Variants in MTMR8 observed in about 807,000 individuals in gnomAD.
MTMR8 encodes myotubularin related protein 8, also known as phosphatidylinositol-3,5-bisphosphate 3-phosphatase MTMR8.
In MTMR8, 65 loss-of-function variants were observed where a neutral mutation model predicts 39.3. The observed-to-expected ratio is 1.65, with a 90% CI of 1.35 to 2.03. The LOEUF (loss-of-function observed/expected upper bound fraction) is 2.03, where lower values mean the gene tolerates loss of function less well. MTMR8 is among the 30% of genes most tolerant of loss of function. The pLI, the probability that MTMR8 is intolerant of heterozygous loss-of-function variation, is 0.00. For missense variants in MTMR8, 777 were observed against 538.9 expected (o/e 1.44, Z -4.37); for synonymous variants, 245 against 185.2 (o/e 1.32, Z -2.62).
At chrX:64,314,340 C>T (rs761116876) in intron 12 of MTMR8, among the ~76,000 whole-genome samples, 1 of 112,741 alleles carries the variant, frequency 8.9e-6, no homozygotes, top group Non-Finnish European at 1.9e-5. Flanking sequence ...AGCATGCCTG[C>T]CTCCATGCAG....
At chrX:64,280,711 G>A (rs1931988013) in intron 12 of MTMR8, among the ~76,000 whole-genome samples, 1 of 111,432 alleles carries the variant, frequency 9.0e-6, no homozygotes, top group Non-Finnish European at 1.9e-5. Flanking sequence ...AATCAGTCAA[G>A]AGAATGAAAT....
chrX:64,349,784 C>T (rs763705504), intron 5 of MTMR8, among the ~76,000 whole-genome samples, 158 bp downstream of exon 5: 33 of 111,775 alleles, frequency 3.0e-4, no homozygotes, highest in Middle Eastern at 4.2e-3. Context: ...ACATATTATT[C>T]CTACTGAGAT....
chrX:64,317,677 T>A (rs1049036323), intron 12 of MTMR8, among the ~76,000 whole-genome samples: 1 of 112,292 alleles, frequency 8.9e-6, no homozygotes, highest in Non-Finnish European at 1.9e-5. Context: ...TTGTTCTTGG[T>A]CTGATGGCTG....
chrX:64,389,531 T>C (rs970151248), intron 1 of MTMR8, among the ~76,000 whole-genome samples: 1 of 111,552 alleles, frequency 9.0e-6, no homozygotes, highest in Non-Finnish European at 1.9e-5. Context: ...TGAGGAAAAT[T>C]ATTCCAATGC....
chrX:64,359,306 A>T, intron 2 of MTMR8, 99 bp downstream of exon 2: 1 of 889,395 alleles, frequency 1.1e-6, no homozygotes, highest in South Asian at 4.0e-5. Flanking sequence ...GTTTTACAGC[A>T]ATTTAAAAAT....
Position 64,345,143 on chromosome X carries a change from C to G in MTMR8, c.767G>C (p.Gly256Ala). The change falls in exon 7 of 14, where the codon GGG (glycine) becomes GCG (alanine). Residue 256 changes from glycine (G) to alanine (A), a missense_variant. Physicochemically the swap from Gly to Ala is moderately conservative, Grantham distance 60 (BLOSUM62 0). Coordinates refer to ENST00000374852, the MANE Select transcript of MTMR8 (RefSeq NM_017677.4). The part of the protein sequence containing the change: ...NAMANRAAGK[G>A]YENEDNYANI... ...GGCATAGTTGTCTTCATTTTCATACCCCTTCCCAGCTGCTCGGTTGGCCAT... is the reference window on the plus strand; with the variant it reads ...GGCATAGTTGTCTTCATTTTCATACGCCTTCCCAGCTGCTCGGTTGGCCAT... 8.3e-7 allele frequency: 1 copy of G among 1,210,914 alleles called. No homozygotes were observed. The highest frequency in any genetic ancestry group is 1.1e-6 in the Non-Finnish European group (1 of 894,950).
intron 12 of MTMR8, among the ~76,000 whole-genome samples, chrX:64,297,486 T>C (rs1248545521): frequency 1.2e-5 from 1 of 86,506 alleles, no homozygotes; most frequent in Non-Finnish European, 2.3e-5. Context: ...TATTAGCCCT[T>C]TGTCAGATGA....
chrX:64,316,443 T>C (rs143951827), intron 12 of MTMR8, among the ~76,000 whole-genome samples: 71 of 111,681 alleles, frequency 6.4e-4, no homozygotes, highest in Non-Finnish European at 1.1e-3. Context: ...GCTCAGGAGT[T>C]CAAGACCAGC....
At chrX:64,331,533 T>C (rs1326163561) in intron 11 of MTMR8, 24 bp downstream of exon 11, 1 of 1,194,203 alleles carries the variant, frequency 8.4e-7, no homozygotes, top group East Asian at 3.0e-5. Context: ...CCCTGTTCAG[T>C]GTCTTCTCAC....
intron 1 of MTMR8, among the ~76,000 whole-genome samples, chrX:64,383,574 T>C (rs1270006691): frequency 2.7e-5 from 3 of 109,801 alleles, no homozygotes; most frequent in Admixed American, 2.0e-4. Flanking sequence ...CTCACAATCA[T>C]GGTGGAAGGT....
At chrX:64,272,247 A>G (rs1213455958) in intron 12 of MTMR8, among the ~76,000 whole-genome samples, 1 of 111,982 alleles carries the variant, frequency 8.9e-6, no homozygotes, top group East Asian at 2.8e-4. Flanking sequence ...ATTACCCGAC[A>G]TAGAATTAGA....
At chrX:64,374,467 G>A (rs891496174) in intron 1 of MTMR8, among the ~76,000 whole-genome samples, 1 of 111,861 alleles carries the variant, frequency 8.9e-6, no homozygotes, top group Non-Finnish European at 1.9e-5. Context: ...TGTGTCAAAT[G>A]TTATAGAATT....
chrX:64,291,662 G>A (rs1261028289), intron 12 of MTMR8, among the ~76,000 whole-genome samples: 1 of 111,635 alleles, frequency 9.0e-6, no homozygotes, highest in Admixed American at 9.6e-5. Flanking sequence ...AAATCAATAT[G>A]GGACCTACCA....
intron 12 of MTMR8, among the ~76,000 whole-genome samples, chrX:64,308,444 C>T (rs1350971934): frequency 9.4e-6 from 1 of 106,575 alleles, no homozygotes; most frequent in African/African-American, 3.4e-5. Context: ...GCTGGGATTA[C>T]AGGCATGAGC....
intron 8 of MTMR8, among the ~76,000 whole-genome samples, chrX:64,342,240 T>A (rs1923238462): frequency 8.9e-6 from 1 of 112,723 alleles, no homozygotes; most frequent in South Asian, 3.6e-4. Flanking sequence ...GTGGCTATCT[T>A]AACTAGAGAA....
intron 8 of MTMR8, among the ~76,000 whole-genome samples, chrX:64,342,249 A>G (rs1923239192): frequency 8.9e-6 from 1 of 112,740 alleles, no homozygotes; most frequent in African/African-American, 3.2e-5. Flanking sequence ...TTAACTAGAG[A>G]AATAGCAGTG....
At chrX:64,394,244 G>A (rs1219097278) in intron 1 of MTMR8, among the ~76,000 whole-genome samples, 3 of 111,728 alleles carry the variant, frequency 2.7e-5, no homozygotes, top group Non-Finnish European at 5.6e-5. Context: ...CTCCCACCGG[G>A]TCCCTCCCAC....
At chrX:64,312,680 A>G (rs1261000386) in intron 12 of MTMR8, among the ~76,000 whole-genome samples, 1 of 112,661 alleles carries the variant, frequency 8.9e-6, no homozygotes, top group Non-Finnish European at 1.9e-5. Flanking sequence ...TGGAGCAATT[A>G]CAATCTATGG....
chrX:64,294,446 C>T (rs1921499209), intron 12 of MTMR8, among the ~76,000 whole-genome samples: 1 of 111,487 alleles, frequency 9.0e-6, no homozygotes, highest in African/African-American at 3.3e-5. Flanking sequence ...ACCAGAAATT[C>T]AGCTTTGGCA....
Sources: allele counts gnomAD v4.1 joint callset (sites outside exome capture counted in the v4.1 genomes callset), GRCh38; gene constraint gnomAD v4.1.1; transcripts MANE v1.5; gene names NCBI Gene and HGNC (gene_info 2026-07-23, HGNC 2026-07-21).